Variants in IL6R observed in about 807,000 individuals in gnomAD.
IL6R encodes the protein interleukin-6 receptor subunit alpha.
Under a neutral mutation model 48.3 loss-of-function variants are expected in IL6R, and 38 were observed. The ratio of observed to expected loss-of-function variants is 0.79; its 90% confidence interval spans 0.61 to 1.03. The LOEUF (loss-of-function observed/expected upper bound fraction) is 1.03, where lower values mean the gene tolerates loss of function less well. Ranked by LOEUF, IL6R falls within the 50% of genes least tolerant of loss-of-function variation. The pLI, the probability that IL6R is intolerant of heterozygous loss-of-function variation, is 0.00. For missense variants in IL6R, 534 were observed against 618.3 expected, an observed-to-expected ratio of 0.86 and a Z score of 1.45; for synonymous variants, 264 against 256.2, an observed-to-expected ratio of 1.03 and a Z score of -0.29.
intron 1 of IL6R, among the ~76,000 whole-genome samples, chr1:154,410,836 G>A (rs1238415508): frequency 6.6e-6 from 1 of 152,108 alleles, no homozygotes; most frequent in Non-Finnish European, 1.5e-5. Flanking sequence ...CCGCTTTCCC[G>A]AAAAGCATCC....
At chr1:154,422,947 C>T (rs74524514) in intron 1 of IL6R, among the ~76,000 whole-genome samples, 3,051 of 152,130 alleles carry the variant, frequency 0.02, 106 homozygotes, top group African/African-American at 0.068. Flanking sequence ...TCCCAGGGAA[C>T]AGAAAAACAG....
At chr1:154,457,716 T>G (rs1690971301) in intron 9 of IL6R, among the ~76,000 whole-genome samples, 1 of 152,204 alleles carries the variant, frequency 6.6e-6, no homozygotes, top group South Asian at 2.1e-4. Flanking sequence ...TTTCATAAGC[T>G]GAAACCCTAA....
intron 7 of IL6R, among the ~76,000 whole-genome samples, chr1:154,448,815 C>A (rs1384875090): frequency 6.7e-6 from 1 of 150,164 alleles, no homozygotes; most frequent in Non-Finnish European, 1.5e-5. Flanking sequence ...AACTGTGAGC[C>A]TTGCATTTGC....
chr1:154,422,127 G>C (rs1455184151), intron 1 of IL6R, among the ~76,000 whole-genome samples: 1 of 151,742 alleles, frequency 6.6e-6, no homozygotes, highest in Non-Finnish European at 1.5e-5. Context: ...TGTATTTTTA[G>C]TATGGGGTTT....
chr1:154,442,881 C>A (rs754083995), intron 6 of IL6R, among the ~76,000 whole-genome samples: 1 of 152,064 alleles, frequency 6.6e-6, no homozygotes, highest in Non-Finnish European at 1.5e-5. Flanking sequence ...TGAACTCCTG[C>A]CTCAGCCTCT....
intron 6 of IL6R, among the ~76,000 whole-genome samples, chr1:154,441,831 C>G (rs1689951610): frequency 6.6e-6 from 1 of 152,100 alleles, no homozygotes; most frequent in Admixed American, 6.6e-5. Context: ...TGGGAAGCAC[C>G]TGGGAGTCAG....
At chr1:154,445,070 G>A (rs528973811) in intron 6 of IL6R, 6 of 456,092 alleles carry the variant, frequency 1.3e-5, no homozygotes, top group East Asian at 6.9e-5. Context: ...GACCATCCCG[G>A]GTGGCATTTG....
At chr1:154,458,552 A>AT (rs1691054165) in intron 9 of IL6R, among the ~76,000 whole-genome samples, 1 of 152,098 alleles carries the variant, frequency 6.6e-6, no homozygotes, top group Non-Finnish European at 1.5e-5. Flanking sequence ...TAGAGTAGAT[A>AT]TGATATACAT....
At chr1:154,437,432 A>G in intron 6 of IL6R, 2 of 332,110 alleles carry the variant, frequency 6.0e-6, no homozygotes, top group South Asian at 2.0e-5. Flanking sequence ...TTTTTTTTTG[A>G]AGACAGGCTT....
At chr1:154,457,975 T>C (rs867248780) in intron 9 of IL6R, among the ~76,000 whole-genome samples, 2,439 of 149,792 alleles carry the variant, frequency 0.016, 76 homozygotes, top group African/African-American at 0.055. Context: ...TTCTTTTTTT[T>C]TTTTTTTTTG....
At chr1:154,431,835 A>G (rs1448993556) in intron 3 of IL6R, among the ~76,000 whole-genome samples, 2 of 152,220 alleles carry the variant, frequency 1.3e-5, no homozygotes, top group African/African-American at 2.4e-5. Context: ...GGAATGCTGA[A>G]CAAAGTGATG....
chr1:154,405,727 G>T lies in IL6R; in HGVS notation c.85+13G>T. 1.4e-6 allele frequency: 2 copies of T among 1,477,260 alleles called. No individual in the cohort carries two copies. The highest frequency in any genetic ancestry group is 1.8e-6 in the Non-Finnish European group (2 of 1,123,496). 91.5% of individuals were successfully genotyped at this position (1,477,260 alleles called of 1,614,324 possible). A position where few individuals can be genotyped will look rare whatever the true frequency, so the allele number is the denominator to read the frequency against. On this transcript the variant is annotated intron_variant, in intron 1 of 9. Coordinates refer to ENST00000368485, the MANE Select transcript of IL6R (RefSeq NM_000565.4). This position sits in a 1 kb window ranked among gnomAD's most constrained non-coding sequence, Gnocchi z 5.2. ...TGCCCTGCGCAGGGTAAGGGCTTCGGGCGCACCTGGAGGGCTGGGGCAGCT... is the reference window on the plus strand; with the variant it reads ...TGCCCTGCGCAGGGTAAGGGCTTCGTGCGCACCTGGAGGGCTGGGGCAGCT...
At position 154,465,582 on chromosome 1, in the gene IL6R, C is replaced by G. The variant is rs1691517930; in HGVS notation, c.*202C>G. On this transcript the variant is annotated 3_prime_UTR_variant, in exon 10 of 10. Coordinates refer to ENST00000368485, the MANE Select transcript of IL6R (RefSeq NM_000565.4). ...CAGCTGGTTGAGGTTTCAAACCTCCCTTTCCAAATGCCCAGCTTAAAGGGG... is the reference window on the plus strand; with the variant it reads ...CAGCTGGTTGAGGTTTCAAACCTCCGTTTCCAAATGCCCAGCTTAAAGGGG... The G allele has an allele frequency of 1.6e-6, 1 of 613,428 alleles. No individual in the cohort carries two copies. The highest frequency in any genetic ancestry group is 2.0e-5 in the South Asian group (1 of 50,748). 38.0% of individuals were successfully genotyped at this position (613,428 alleles called of 1,614,324 possible). A position where few individuals can be genotyped will look rare whatever the true frequency, so the allele number is the denominator to read the frequency against.
chr1:154,449,068 T>G (rs1690440383), intron 7 of IL6R, among the ~76,000 whole-genome samples: 1 of 146,016 alleles, frequency 6.8e-6, no homozygotes, highest in South Asian at 2.1e-4. Flanking sequence ...TAATTTTTTT[T>G]GTATTTTTAG....
chr1:154,442,067 C>A (rs1479895545), intron 6 of IL6R, among the ~76,000 whole-genome samples: 1 of 152,166 alleles, frequency 6.6e-6, no homozygotes, highest in Non-Finnish European at 1.5e-5. Context: ...ATCCCAGAAT[C>A]ACTATCCTGG....
At chr1:154,444,532 G>A (rs1690109552) in intron 6 of IL6R, among the ~76,000 whole-genome samples, 1 of 152,136 alleles carries the variant, frequency 6.6e-6, no homozygotes, top group African/African-American at 2.4e-5. Flanking sequence ...ATTTTGCTAA[G>A]TAAGGACATA....
intron 9 of IL6R, among the ~76,000 whole-genome samples, chr1:154,456,626 T>A (rs1325837197): frequency 6.6e-6 from 1 of 152,126 alleles, no homozygotes; most frequent in Non-Finnish European, 1.5e-5. Flanking sequence ...GTTGGGCAGA[T>A]GATACTGTCA....
intron 1 of IL6R, among the ~76,000 whole-genome samples, chr1:154,421,702 C>A (rs554629525): frequency 6.6e-6 from 1 of 152,292 alleles, no homozygotes; most frequent in Non-Finnish European, 1.5e-5. Flanking sequence ...TCACTTCAGA[C>A]TTGACCTCCT....
At chr1:154,460,966 G>A (rs1407138786) in intron 9 of IL6R, among the ~76,000 whole-genome samples, 1 of 152,104 alleles carries the variant, frequency 6.6e-6, no homozygotes, top group Admixed American at 6.5e-5. Context: ...GTCTGGGCTC[G>A]CTGATATTTT....
Sources: gnomAD v4.1 joint callset for allele counts (sites outside exome capture counted in the v4.1 genomes callset) on GRCh38, gnomAD v4.1.1 for gene constraint, Gnocchi (gnomAD v3.1) non-coding constraint, MANE v1.5 for transcripts, NCBI Gene and HGNC (gene_info 2026-07-23, HGNC 2026-07-21) for gene names.